Variants in TXNL1 observed in about 807,000 individuals in gnomAD.
TXNL1 encodes thioredoxin like 1.
In TXNL1, 14 loss-of-function variants were observed where a neutral mutation model predicts 35.5. The ratio of observed to expected loss-of-function variants is 0.39; its 90% CI spans 0.26 to 0.62. The LOEUF (loss-of-function observed/expected upper bound fraction) is 0.62, where lower values mean the gene tolerates loss of function less well. TXNL1 is among the 20% of genes least tolerant of loss of function. TXNL1 has a pLI of 0.47. For synonymous variants in TXNL1, 110 were observed against 115.5 expected (o/e 0.95, Z 0.31); for missense variants, 263 against 349.7 (o/e 0.75, Z 1.98).
intron 1 of TXNL1, among the ~76,000 whole-genome samples, chr18:56,630,250 C>T (rs1362670982): frequency 6.6e-6 from 1 of 150,744 alleles, no homozygotes; most frequent in African/African-American, 2.4e-5. Context: ...AAAAGATGGA[C>T]ATCCCAGCAT....
intron 7 of TXNL1, among the ~76,000 whole-genome samples, chr18:56,603,872 T>C (rs1031576792): frequency 1.3e-5 from 2 of 152,206 alleles, no homozygotes; most frequent in African/African-American, 4.8e-5. Context: ...ACTGAATGTA[T>C]GTTTGTGTAG....
intron 1 of TXNL1, among the ~76,000 whole-genome samples, chr18:56,631,792 T>A (rs1392639938): frequency 6.6e-6 from 1 of 151,976 alleles, no homozygotes; most frequent in East Asian, 1.9e-4. Flanking sequence ...TAGTAACGCA[T>A]GCCTGTAATC....
chr18:56,629,500 C>G (rs1002602985), intron 1 of TXNL1, among the ~76,000 whole-genome samples: 8 of 152,138 alleles, frequency 5.3e-5, no homozygotes, highest in African/African-American at 1.9e-4. Context: ...TGCACCCCAG[C>G]CTGATACTTT....
rs753607298 is a variant in TXNL1, at chr18:56,599,064, C to CT, written c.*3962dup. 8.5e-5 allele frequency: 13 copies of CT among 152,206 alleles called. No homozygotes were observed. Among genetic ancestry groups the CT allele is most frequent in the Admixed American group, 1.3e-4 (2 of 15,286 alleles). 9.4% of individuals were successfully genotyped at this position (152,206 alleles called of 1,614,324 possible). A position where few individuals can be genotyped will look rare whatever the true frequency, so the allele number is the denominator to read the frequency against. ...ATAGCAAGCACGAAGGAAAAATACT[C>CT]TAGCAGTTTTAACATTGCATATCCT... is the stretch of plus-strand genomic sequence containing the variant. On this transcript the variant is annotated 3_prime_UTR_variant, in exon 8 of 8. Transcript: ENST00000217515.
rs74548031 is a variant in TXNL1, at chr18:56,604,869, T to A, written c.841-1813A>T. ...GAACTTGATGCAACTGCTATATTTG[T>A]TTTCCAAAAGAATTCTATAGTTCCT... On this transcript the variant is annotated intron_variant, in intron 7 of 7. Coordinates refer to ENST00000217515, the MANE Select transcript of TXNL1 (RefSeq NM_004786.3). 2.9e-3 allele frequency among the ~76,000 whole-genome samples: 434 copies of A among 152,258 alleles called. 6 individuals are homozygous for A. The East Asian group carries it at 0.037, about 13-fold the overall frequency.
intron 7 of TXNL1, among the ~76,000 whole-genome samples, chr18:56,606,394 T>A (rs1430159883): frequency 1.3e-5 from 2 of 151,834 alleles, no homozygotes; most frequent in Non-Finnish European, 2.9e-5. Context: ...AAGAAAAAAA[T>A]TTCAATTCTA....
chr18:56,624,747 G>A (rs184715378), intron 2 of TXNL1, among the ~76,000 whole-genome samples: 440 of 152,174 alleles, frequency 2.9e-3, no homozygotes, highest in Non-Finnish European at 4.9e-3. Flanking sequence ...TGCAGAAACT[G>A]TGCTTAATGC....
chr18:56,622,824 T>C (rs2024210387), intron 3 of TXNL1, among the ~76,000 whole-genome samples: 1 of 152,142 alleles, frequency 6.6e-6, no homozygotes. Context: ...TCCAAAACTG[T>C]CCAAAAGATG....
In TXNL1 at chr18:56,602,186, T is replaced by C. The variant is rs561306937; in HGVS notation, c.*841A>G. 1 of 152,290 alleles carries C rather than the reference T, an allele frequency of 6.6e-6. No homozygotes were observed. Among genetic ancestry groups the C allele is most frequent in the South Asian group, 2.1e-4 (1 of 4,822 alleles). The allele number at this position is 152,290 out of a possible 1,614,324, so 9.4% of individuals were successfully genotyped here. On this transcript the variant is annotated 3_prime_UTR_variant, in exon 8 of 8. Transcript: ENST00000217515. Reference sequence around the variant, plus strand: ...CCACCATGCCTGGCTAATTTTTGTATTTTTAGTAGAGACGAGGTTTCACCA... The same window carrying C: ...CCACCATGCCTGGCTAATTTTTGTACTTTTAGTAGAGACGAGGTTTCACCA...
At chr18:56,626,235 A>G in intron 2 of TXNL1, 126 bp downstream of exon 2, 1 of 1,454,310 alleles carries the variant, frequency 6.9e-7, no homozygotes. Context: ...TGACATCAAC[A>G]TAACATCTTC....
intron 3 of TXNL1, among the ~76,000 whole-genome samples, chr18:56,621,996 G>A (rs2024195392): frequency 7.7e-6 from 1 of 130,020 alleles, no homozygotes; most frequent in Non-Finnish European, 1.6e-5. Context: ...AGACAAAAGT[G>A]TGAAACTCCA....
intron 3 of TXNL1, among the ~76,000 whole-genome samples, chr18:56,623,648 G>A (rs1279743217): frequency 6.6e-6 from 1 of 152,016 alleles, no homozygotes; most frequent in Non-Finnish European, 1.5e-5. Context: ...TAAAAATGCT[G>A]CATTCTAACT....
intron 1 of TXNL1, among the ~76,000 whole-genome samples, chr18:56,635,993 C>T (rs2024449230): frequency 6.6e-6 from 1 of 152,156 alleles, no homozygotes; most frequent in African/African-American, 2.4e-5. Flanking sequence ...ATGATCAGCA[C>T]AAATGCAATT....
chr18:56,627,513 T>C (rs77438169), intron 1 of TXNL1, among the ~76,000 whole-genome samples: 9,349 of 152,274 alleles, frequency 0.061, 401 homozygotes, highest in Non-Finnish European at 0.097. Context: ...TAAGAGAATA[T>C]AGTACTTGTA....
chr18:56,625,285 C>T (rs999841343), intron 2 of TXNL1, among the ~76,000 whole-genome samples: 23 of 152,116 alleles, frequency 1.5e-4, no homozygotes, highest in African/African-American at 5.3e-4. Context: ...GTGAGCTACA[C>T]ATGCAATTGT....
Position 56,597,896 on chromosome 18 carries a change from T to G in TXNL1, c.*5131A>C, listed in dbSNP as rs769655724. 6.6e-6 allele frequency: 1 copy of G among 152,232 alleles called. No individual in the cohort carries two copies. Among genetic ancestry groups the G allele is most frequent in the Non-Finnish European group, 1.5e-5 (1 of 68,046 alleles). 9.4% of individuals were successfully genotyped at this position (152,232 alleles called of 1,614,324 possible). On this transcript the variant is annotated 3_prime_UTR_variant, in exon 8 of 8. Transcript: ENST00000217515. Reference sequence around the variant, plus strand: ...CTTCTCCTAAGAGCTACTTCTATATTCAATTGTAAAAGTGAGAACCTTGTG... The same window carrying G: ...CTTCTCCTAAGAGCTACTTCTATATGCAATTGTAAAAGTGAGAACCTTGTG...
At chr18:56,604,862 A>G (rs2023863579) in intron 7 of TXNL1, among the ~76,000 whole-genome samples, 2 of 152,224 alleles carry the variant, frequency 1.3e-5, no homozygotes, top group East Asian at 3.8e-4. Context: ...TGCAACTGCT[A>G]TATTTGTTTT....
chr18:56,606,113 C>T (rs1423347707), intron 7 of TXNL1, among the ~76,000 whole-genome samples: 4 of 152,184 alleles, frequency 2.6e-5, no homozygotes, highest in East Asian at 1.9e-4. Context: ...TGGTGGCTCA[C>T]GCCTGTAATC....
intron 5 of TXNL1, among the ~76,000 whole-genome samples, 180 bp downstream of exon 5, chr18:56,616,065 G>A (rs2144300918): frequency 6.6e-6 from 1 of 150,874 alleles, no homozygotes; most frequent in African/African-American, 2.4e-5. Flanking sequence ...CCAGGAGGCA[G>A]AGATTACAGT....
Sources: gnomAD v4.1 joint callset for allele counts (sites outside exome capture counted in the v4.1 genomes callset) on GRCh38, gnomAD v4.1.1 for gene constraint, MANE v1.5 for transcripts, NCBI Gene and HGNC (gene_info 2026-07-23, HGNC 2026-07-21) for gene names.